The following SCFD2 variants were observed in gnomAD, a reference collection of about 807,000 sequenced individuals.
SCFD2 encodes the protein sec1 family domain containing 2, also known as sec1 family domain-containing protein 2.
In SCFD2, 54 loss-of-function variants were observed where a neutral mutation model predicts 58.9. The ratio of observed to expected loss-of-function variants is 0.92; its 90% CI spans 0.74 to 1.15. The LOEUF (loss-of-function observed/expected upper bound fraction) is 1.15, where lower values mean the gene tolerates loss of function less well. SCFD2 is among the 50% of genes most tolerant of loss of function. The pLI is 0.00. For synonymous variants in SCFD2, 321 were observed against 335.9 expected (o/e 0.96, Z 0.49); for missense variants, 805 against 836.6 (o/e 0.96, Z 0.47).
intron 4 of SCFD2, among the ~76,000 whole-genome samples, chr4:53,161,729 A>G (rs1264973243): frequency 1.3e-5 from 2 of 152,224 alleles, no homozygotes; most frequent in African/African-American, 4.8e-5. Context: ...AGAACAGAAC[A>G]CCACAGGGAA....
chr4:53,043,089 G>A (rs1722940062), intron 5 of SCFD2, among the ~76,000 whole-genome samples: 3 of 152,242 alleles, frequency 2.0e-5, no homozygotes, highest in African/African-American at 4.8e-5. Flanking sequence ...AATAAAATCC[G>A]ATTATATTAT....
At chr4:53,344,751 T>C (rs1216932073) in intron 2 of SCFD2, among the ~76,000 whole-genome samples, 1 of 151,866 alleles carries the variant, frequency 6.6e-6, no homozygotes. Context: ...CCAAAACAGA[T>C]ATATAGACCA....
intron 2 of SCFD2, among the ~76,000 whole-genome samples, chr4:53,331,375 A>G (rs911789744): frequency 6.6e-6 from 1 of 152,184 alleles, no homozygotes; most frequent in Non-Finnish European, 1.5e-5. Flanking sequence ...ATGTAAAAGA[A>G]CAGAAATTAT....
chr4:52,905,996 T>C (rs1189371019), intron 7 of SCFD2, among the ~76,000 whole-genome samples: 1 of 152,190 alleles, frequency 6.6e-6, no homozygotes, highest in Non-Finnish European at 1.5e-5. Context: ...AAAGAAACAA[T>C]CAAATTTGTT....
At chr4:52,885,708 A>G in intron 8 of SCFD2, 39 bp downstream of exon 8, 1 of 1,611,062 alleles carries the variant, frequency 6.2e-7, no homozygotes, top group Non-Finnish European at 8.5e-7. Flanking sequence ...TCACACCCCT[A>G]CTTCTGAGCT....
chr4:52,938,853 A>G (rs1188528551), intron 5 of SCFD2, among the ~76,000 whole-genome samples: 1 of 152,338 alleles, frequency 6.6e-6, no homozygotes, highest in South Asian at 2.1e-4. Flanking sequence ...GTGTTCAGCA[A>G]TATACCAGTT....
intron 7 of SCFD2, among the ~76,000 whole-genome samples, chr4:52,906,602 C>T (rs770927443): frequency 3.9e-4 from 60 of 152,282 alleles, no homozygotes; most frequent in Non-Finnish European, 7.1e-4. Flanking sequence ...CCTGCAGGTC[C>T]GCTCCAGCAG....
chr4:53,164,806 A>AT (rs11450235), intron 4 of SCFD2, among the ~76,000 whole-genome samples: 7 of 98,518 alleles, frequency 7.1e-5, no homozygotes, highest in Non-Finnish European at 1.6e-4. Flanking sequence ...AAAAAAAAAA[A>AT]GAAGAAGAAG....
In SCFD2 at chr4:52,873,997, T is replaced by C; in HGVS notation, c.2027A>G (p.Asp676Gly). ...GAAGCCAAGGTCTGGATGCAGTCGG[T>C]CAGTTGCAAATAACAGCTCAGGAAT... is the stretch of plus-strand genomic sequence containing the variant. The part of the protein sequence containing the change: ...LNIPELLFAT[D>G]RLHPDLGF Residue 676 changes from aspartate to glycine, a missense_variant, in exon 9 of 9, where the codon GAC (aspartate) becomes GGC (glycine). Asp to Gly is a moderately conservative substitution (Grantham distance 94, BLOSUM62 -1). Transcript: ENST00000401642. 6.2e-7 allele frequency: 1 copy of C among 1,614,068 alleles called. No homozygotes were observed. Among genetic ancestry groups the C allele is most frequent in the Non-Finnish European group, 8.5e-7 (1 of 1,179,956 alleles).
intron 4 of SCFD2, among the ~76,000 whole-genome samples, chr4:53,252,526 C>A: frequency 6.7e-6 from 1 of 149,606 alleles, no homozygotes; most frequent in Non-Finnish European, 1.5e-5. Context: ...GGTACTGGTA[C>A]CAAAACAGAG....
chr4:52,926,801 G>T (rs375967173), intron 5 of SCFD2, among the ~76,000 whole-genome samples: 1 of 152,140 alleles, frequency 6.6e-6, no homozygotes, highest in African/African-American at 2.4e-5. Flanking sequence ...TTGGCTTGGG[G>T]GTGTGACACA....
chr4:52,911,527 G>GTATTT (rs1222046053), intron 6 of SCFD2, among the ~76,000 whole-genome samples: 2 of 152,054 alleles, frequency 1.3e-5, no homozygotes, highest in African/African-American at 4.8e-5. Flanking sequence ...TTTTTTTAAG[G>GTATTT]TATGTAGGTG....
chr4:53,365,857 C>A lies in SCFD2; in HGVS notation c.85G>T (p.Asp29Tyr). 2 of 1,612,318 alleles carry A rather than the reference C, an allele frequency of 1.2e-6. No individual in the cohort carries two copies. Among genetic ancestry groups the A allele is most frequent in the Non-Finnish European group, 1.7e-6 (2 of 1,179,866 alleles). Residue 29 changes from aspartate to tyrosine, a missense_variant, in exon 1 of 9, where the codon GAC becomes TAC. This residue lies in a region of SCFD2 where 155 missense variants were observed against 149.7 expected (regional missense o/e 1.04). Transcript: ENST00000401642. The surrounding 1 kb of genome is among the most constrained non-coding windows in gnomAD (Gnocchi z 4.3). The stretch of plus-strand genomic sequence containing the variant: ...TGCAGGCTCTCGGCGCAGGCGGCGT[C>A]CAGGTAAACCACAGCCCGTTTCACT... ...AKVKRAVVYL[D>Y]AACAESLHWG... is the part of the protein sequence containing the mutation.
At chr4:53,032,333 A>T (rs1722635980) in intron 5 of SCFD2, among the ~76,000 whole-genome samples, 1 of 152,180 alleles carries the variant, frequency 6.6e-6, no homozygotes, top group Non-Finnish European at 1.5e-5. Context: ...CACTGCAAAA[A>T]CATACCAAAT....
chr4:52,888,195 T>C (rs1047992614), intron 7 of SCFD2, among the ~76,000 whole-genome samples: 1 of 152,130 alleles, frequency 6.6e-6, no homozygotes, highest in Non-Finnish European at 1.5e-5. Flanking sequence ...CTAAAAGCAC[T>C]TGAAAGGATG....
At chr4:52,954,222 A>G (rs1028648711) in intron 5 of SCFD2, among the ~76,000 whole-genome samples, 1 of 152,124 alleles carries the variant, frequency 6.6e-6, no homozygotes, top group African/African-American at 2.4e-5. Flanking sequence ...GTTGTCCCCA[A>G]GTCTTTGGTC....
intron 4 of SCFD2, among the ~76,000 whole-genome samples, chr4:53,225,847 G>C (rs758475289): frequency 2.0e-5 from 3 of 152,088 alleles, no homozygotes; most frequent in African/African-American, 7.2e-5. Flanking sequence ...ATCAAATTTG[G>C]TGGCTTTCCC....
chr4:52,977,513 C>T (rs1385296573), intron 5 of SCFD2, among the ~76,000 whole-genome samples: 1 of 152,058 alleles, frequency 6.6e-6, no homozygotes, highest in Admixed American at 6.6e-5. Context: ...ATCCTCTGAG[C>T]TCAAGGGGTC....
intron 5 of SCFD2, among the ~76,000 whole-genome samples, chr4:53,005,928 T>G (rs1339463023): frequency 6.6e-6 from 1 of 151,960 alleles, no homozygotes; most frequent in East Asian, 1.9e-4. Flanking sequence ...CCCTACTGAG[T>G]GTTATGCACT....
Sources: gnomAD v4.1 joint callset for allele counts (sites outside exome capture counted in the v4.1 genomes callset) on GRCh38, gnomAD v4.1.1 for gene constraint, gnomAD v4.1.1 regional missense constraint, Gnocchi (gnomAD v3.1) non-coding constraint, MANE v1.5 for transcripts, NCBI Gene and HGNC (gene_info 2026-07-23, HGNC 2026-07-21) for gene names.